AMOTL1: variants seen among roughly 807,000 people sequenced by gnomAD.
The protein encoded by AMOTL1 is angiomotin-like protein 1.
AMOTL1 carries 45 observed loss-of-function variants against 102.9 expected under a neutral mutation model. That is an observed-to-expected ratio of 0.44 (90% CI 0.34 to 0.56). AMOTL1 has a LOEUF of 0.56. Among genes scored for constraint, AMOTL1 ranks in the 20% least tolerant of loss-of-function variants. The pLI is 0.01. For synonymous variants in AMOTL1, 481 were observed against 484.7 expected, an observed-to-expected ratio of 0.99 and a Z score of 0.10; for missense variants, 1,114 against 1,225.6, an observed-to-expected ratio of 0.91 and a Z score of 1.36.
chr11:94,768,257 G>C (rs1327939233), upstream of AMOTL1: 3 of 1,207,050 alleles, frequency 2.5e-6, no homozygotes, highest in Non-Finnish European at 3.1e-6. Flanking sequence ...CCCAGCGGCC[G>C]GGCGCCACGG....
At position 94,872,845 on chromosome 11, in the gene AMOTL1, G is replaced by C. The variant is rs1333846649; in HGVS notation, c.*2050G>C. 1 of 152,260 alleles carries C rather than the reference G, an allele frequency of 6.6e-6. No homozygotes were observed. Among genetic ancestry groups the C allele is most frequent in the Non-Finnish European group, 1.5e-5 (1 of 68,108 alleles). 9.4% of individuals were successfully genotyped at this position (152,260 alleles called of 1,614,324 possible). ...TCCATGGGGGAAAGGGTTGAGGATG[G>C]ACATGGGTGGGGAGAGGGCATAGAC... On this transcript the variant is annotated 3_prime_UTR_variant, in exon 13 of 13. Transcript: ENST00000433060.
chr11:94,764,376 T>C (rs1950830525), upstream of AMOTL1, among the ~76,000 whole-genome samples: 1 of 152,162 alleles, frequency 6.6e-6, no homozygotes, highest in South Asian at 2.1e-4. Flanking sequence ...GAGTTTAAAT[T>C]TTTACATGCT....
chr11:94,782,905 CT>C (rs939108592), intron 1 of AMOTL1, among the ~76,000 whole-genome samples: 6 of 152,102 alleles, frequency 3.9e-5, no homozygotes, highest in East Asian at 1.9e-4. Context: ...CGTTTTAAAA[CT>C]TTTTTTTCAT....
chr11:94,750,092 C>T (rs1950633794), intron 3 of AMOTL1, among the ~76,000 whole-genome samples: 1 of 152,166 alleles, frequency 6.6e-6, no homozygotes, highest in South Asian at 2.1e-4. Context: ...GTCATGTTAC[C>T]CACAGTGGTA....
chr11:94,742,312 T>C (rs547797153), intron 3 of AMOTL1, among the ~76,000 whole-genome samples: 2 of 152,348 alleles, frequency 1.3e-5, no homozygotes, highest in African/African-American at 4.8e-5. Flanking sequence ...GCTCCACGCA[T>C]GTATAATTGT....
intron 1 of AMOTL1, among the ~76,000 whole-genome samples, chr11:94,784,356 T>C (rs189499097): frequency 1.3e-5 from 2 of 152,338 alleles, no homozygotes; most frequent in African/African-American, 4.8e-5. Context: ...TATCTCATCA[T>C]GTTGTTGAAA....
chr11:94,795,211 T>C, intron 2 of AMOTL1, 51 bp downstream of exon 2: 1 of 1,598,004 alleles, frequency 6.3e-7, no homozygotes, highest in African/African-American at 1.3e-5. Flanking sequence ...GATCTTACGT[T>C]TCTCATCTTT....
At chr11:94,821,869 G>A in intron 4 of AMOTL1, 48 bp downstream of exon 4, 4 of 1,590,832 alleles carry the variant, frequency 2.5e-6, no homozygotes, top group Non-Finnish European at 2.6e-6. Context: ...TCTTTACCTG[G>A]TCATGGGGAG....
chr11:94,866,198 T>C, intron 11 of AMOTL1, 30 bp downstream of exon 11: 2 of 1,605,296 alleles, frequency 1.2e-6, no homozygotes, highest in Non-Finnish European at 1.7e-6. Context: ...CAGACCATGA[T>C]TGGAAAAGCA....
chr11:94,708,403 C>G (rs1823327088), intron 1 of AMOTL1, among the ~76,000 whole-genome samples: 1 of 152,170 alleles, frequency 6.6e-6, no homozygotes, highest in Non-Finnish European at 1.5e-5. Flanking sequence ...AGCCTCAGAC[C>G]TTGGAACCAT....
chr11:94,860,452 A>G, intron 9 of AMOTL1, among the ~76,000 whole-genome samples: 1 of 152,138 alleles, frequency 6.6e-6, no homozygotes, highest in East Asian at 1.9e-4. Flanking sequence ...AACTAGCTCA[A>G]AGTGTGCAGT....
intron 9 of AMOTL1, 92 bp downstream of exon 9, chr11:94,859,807 C>T: frequency 7.5e-7 from 1 of 1,326,256 alleles, no homozygotes. Flanking sequence ...CAAGGCCCAT[C>T]CTAGGGAGTG....
intron 3 of AMOTL1, among the ~76,000 whole-genome samples, chr11:94,810,496 CAAAAAAA>C (rs5793699): frequency 7.5e-6 from 1 of 133,532 alleles, no homozygotes; most frequent in South Asian, 2.4e-4. Context: ...TATTTTAGTC[CAAAAAAA>C]AAAAAAAAAG....
At chr11:94,764,795 GGAGAA>G (rs894287255), upstream of AMOTL1, among the ~76,000 whole-genome samples, 4 of 152,194 alleles carry the variant, frequency 2.6e-5, no homozygotes, top group Non-Finnish European at 5.9e-5. Flanking sequence ...TCAAATTACT[GGAGAA>G]GAGGAGGGTT....
intron 2 of AMOTL1, among the ~76,000 whole-genome samples, chr11:94,736,785 A>G (rs953298048): frequency 6.6e-6 from 1 of 152,200 alleles, no homozygotes; most frequent in East Asian, 1.9e-4. Context: ...TAAGAGACCT[A>G]TAAAAGTCAA....
At chr11:94,782,389 G>T (rs1458322647) in intron 1 of AMOTL1, among the ~76,000 whole-genome samples, 1 of 152,134 alleles carries the variant, frequency 6.6e-6, no homozygotes, top group Non-Finnish European at 1.5e-5. Flanking sequence ...CTTTTCTGAT[G>T]ATTGAAATCC....
At chr11:94,726,480 A>G (rs1950260701) in intron 1 of AMOTL1, among the ~76,000 whole-genome samples, 1 of 152,196 alleles carries the variant, frequency 6.6e-6, no homozygotes, top group South Asian at 2.1e-4. Flanking sequence ...TGATTCTCAA[A>G]GCCAGAATTA....
chr11:94,845,272 A>G (rs1952385426), intron 6 of AMOTL1, among the ~76,000 whole-genome samples: 1 of 152,184 alleles, frequency 6.6e-6, no homozygotes, highest in Non-Finnish European at 1.5e-5. Flanking sequence ...CAGAAAGGGG[A>G]CATCTTTGAA....
chr11:94,807,645 A>G (rs576703641), intron 3 of AMOTL1, among the ~76,000 whole-genome samples: 2 of 152,074 alleles, frequency 1.3e-5, no homozygotes, highest in East Asian at 1.9e-4. Context: ...TTTTCTCTGC[A>G]TTATTTTTTA....
Sources: allele counts gnomAD v4.1 joint callset (sites outside exome capture counted in the v4.1 genomes callset), GRCh38; gene constraint gnomAD v4.1.1; transcripts MANE v1.5; gene names NCBI Gene and HGNC (gene_info 2026-07-23, HGNC 2026-07-21).